The following PCDHA10 variants were observed in gnomAD, a reference collection of about 807,000 sequenced individuals.
PCDHA10 encodes protocadherin alpha 10.
PCDHA10 carries 45 observed loss-of-function variants against 61.2 expected under a neutral mutation model. The ratio of observed to expected loss-of-function variants is 0.74; its 90% CI spans 0.58 to 0.94. The LOEUF (loss-of-function observed/expected upper bound fraction) is 0.94. Among genes scored for constraint, PCDHA10 ranks in the 40% least tolerant of loss-of-function variants. The probability of loss-of-function intolerance (pLI) is 0.00; values close to 1 mark genes in which losing one functional copy is unlikely to be tolerated. For missense variants in PCDHA10, 1,278 were observed against 1,236.2 expected (o/e 1.03, Z -0.51); for synonymous variants, 602 against 548.8 (o/e 1.10, Z -1.35).
In PCDHA10 at chr5:140,927,203, C is replaced by T. The variant is rs782141467; in HGVS notation, c.2389-51746C>T. ...ACCTACGACCTGGTGCTCGAGGACC[C>T]GCTGGAGCTGCACAAGATTCGGATT... On this transcript the variant is annotated intron_variant, in intron 1 of 3. Transcript: ENST00000307360. 65 of 1,614,104 alleles carry T rather than the reference C, an allele frequency of 4.0e-5. No homozygotes were observed. Among genetic ancestry groups the T allele is most frequent in the Non-Finnish European group, 5.1e-5 (60 of 1,180,040 alleles).
intron 1 of PCDHA10, chr5:140,967,133 G>C: frequency 6.2e-7 from 1 of 1,611,928 alleles, no homozygotes; most frequent in East Asian, 2.2e-5. Flanking sequence ...CAGCTTGGAA[G>C]TGCTGGCGCA....
At chr5:140,873,590 A>C (rs1188968124) in intron 1 of PCDHA10, among the ~76,000 whole-genome samples, 2 of 152,202 alleles carry the variant, frequency 1.3e-5, no homozygotes, top group Non-Finnish European at 2.9e-5. Flanking sequence ...ATTAAGCTAA[A>C]CTTAGATGTT....
At chr5:140,962,543 G>T (rs962454688) in intron 1 of PCDHA10, among the ~76,000 whole-genome samples, 1 of 152,176 alleles carries the variant, frequency 6.6e-6, no homozygotes, top group Non-Finnish European at 1.5e-5. Flanking sequence ...AACTAAAAAT[G>T]TAGAGGATCT....
chr5:140,969,198 C>T lies in PCDHA10; in HGVS notation c.2389-9751C>T, dbSNP rs2096305688. ...AGTGACACTTTCATGTTTTACAATA[C>T]AGGGGCCCAGACAGGACCAGGGCCT... On this transcript the variant is annotated intron_variant, in intron 1 of 3. Coordinates refer to ENST00000307360, the MANE Select transcript of PCDHA10 (RefSeq NM_018901.4). 1 of 1,614,166 alleles carries T rather than the reference C, an allele frequency of 6.2e-7. No individual in the cohort carries two copies. Among genetic ancestry groups the T allele is most frequent in the Non-Finnish European group, 8.5e-7 (1 of 1,180,032 alleles).
At chr5:140,884,044 G>A (rs374333847) in intron 1 of PCDHA10, 16 of 1,613,358 alleles carry the variant, frequency 9.9e-6, no homozygotes, top group Non-Finnish European at 1.4e-5. Context: ...ACGTGGTGGC[G>A]AAGGTGCGCG....
chr5:141,000,421 A>AT lies in PCDHA10; in HGVS notation c.2537-9183dup, dbSNP rs34755515. Reference sequence around the variant, plus strand: ...TATATATATATATATATATATATATATTTTTTTTTTTTTTTTTTTTTTTGA... The same window carrying AT: ...TATATATATATATATATATATATATATTTTTTTTTTTTTTTTTTTTTTTTGA... On this transcript the variant is annotated intron_variant, in intron 3 of 3. Transcript: ENST00000307360. 8.6e-3 allele frequency among the ~76,000 whole-genome samples: 241 copies of AT among 27,996 alleles called. 11 individuals carry two copies. The highest frequency in any genetic ancestry group is 9.4e-3 in the African/African-American group (53 of 5,644). The allele number at this position is 27,996 out of a possible 152,430, so 18.4% of individuals were successfully genotyped here.
intron 1 of PCDHA10, chr5:140,861,213 A>C: frequency 6.0e-6 from 1 of 166,518 alleles, no homozygotes; most frequent in Non-Finnish European, 1.3e-5. Flanking sequence ...ACTAACCAAA[A>C]GAGAGGCATA....
At chr5:140,954,577 A>T (rs1426426958) in intron 1 of PCDHA10, among the ~76,000 whole-genome samples, 2 of 151,954 alleles carry the variant, frequency 1.3e-5, no homozygotes, top group Non-Finnish European at 1.5e-5. Flanking sequence ...TTCTTTTCAG[A>T]AGTGTCTGTT....
chr5:140,862,911 G>A (rs781861917), intron 1 of PCDHA10: 3 of 549,326 alleles, frequency 5.5e-6, no homozygotes, highest in Admixed American at 3.9e-5. Context: ...CGCTGCTGGC[G>A]CCTTGGGTGG....
chr5:140,876,699 G>A, intron 1 of PCDHA10: 1 of 1,614,228 alleles, frequency 6.2e-7, no homozygotes, highest in Non-Finnish European at 8.5e-7. Context: ...CGTTGGTGCT[G>A]GACAGCGCCC....
chr5:140,871,692 C>T, intron 1 of PCDHA10: 1 of 997,192 alleles, frequency 1.0e-6, no homozygotes, highest in Non-Finnish European at 1.4e-6. Flanking sequence ...AATCTGGCTT[C>T]TTTAACCAAT....
chr5:140,882,731 G>C, intron 1 of PCDHA10: 1 of 1,614,232 alleles, frequency 6.2e-7, no homozygotes, highest in Non-Finnish European at 8.5e-7. Flanking sequence ...ATTTCCACTA[G>C]ATGGCGCATC....
chr5:140,881,596 T>G (rs1420240994), intron 1 of PCDHA10, among the ~76,000 whole-genome samples: 1 of 152,240 alleles, frequency 6.6e-6, no homozygotes, highest in African/African-American at 2.4e-5. Flanking sequence ...GGAAATTTAT[T>G]AATATGATGT....
intron 1 of PCDHA10, among the ~76,000 whole-genome samples, chr5:140,954,333 G>C (rs1554221356): frequency 1.3e-5 from 2 of 152,140 alleles, no homozygotes; most frequent in African/African-American, 4.8e-5. Flanking sequence ...TGGTATTTCT[G>C]CCTCTAGATC....
At chr5:140,883,288 A>G (rs781835023) in intron 1 of PCDHA10, 1 of 1,614,110 alleles carries the variant, frequency 6.2e-7, no homozygotes, top group Non-Finnish European at 8.5e-7. Context: ...TGGTGGAAGT[A>G]CTAGATGTAA....
intron 1 of PCDHA10, chr5:140,927,351 G>A (rs782202644): frequency 1.4e-5 from 23 of 1,614,054 alleles, no homozygotes; most frequent in Non-Finnish European, 1.9e-5. Flanking sequence ...ATGACGACGA[G>A]GGAAGCAATG....
intron 1 of PCDHA10, chr5:140,871,144 A>T (rs1554165205): frequency 6.2e-7 from 1 of 1,613,222 alleles, no homozygotes; most frequent in African/African-American, 1.3e-5. Context: ...CTCTTCCCGG[A>T]CTTTGGCGGG....
intron 1 of PCDHA10, chr5:140,871,353 G>T: frequency 6.2e-7 from 1 of 1,614,214 alleles, no homozygotes; most frequent in Non-Finnish European, 8.5e-7. Flanking sequence ...GGTCATACTC[G>T]CAGCAGAGGC....
rs1160767102 is a variant in PCDHA10, at chr5:140,964,322, A to G, written c.2389-14627A>G. On this transcript the variant is annotated intron_variant, in intron 1 of 3. Coordinates refer to ENST00000307360, the MANE Select transcript of PCDHA10 (RefSeq NM_018901.4). ...TACCTACAAGGCCTAAAACAGCATA[A>G]TGGACAACCTGGCAGGTGTCCTTGC... Among the ~76,000 whole-genome samples the G allele has an allele frequency of 2.0e-5, 3 of 152,346 alleles. No individual in the cohort carries two copies. The East Asian group carries it at 5.8e-4, about 29-fold the overall frequency.
Sources: gnomAD v4.1 joint callset for allele counts (sites outside exome capture counted in the v4.1 genomes callset) on GRCh38, gnomAD v4.1.1 for gene constraint, MANE v1.5 for transcripts, NCBI Gene and HGNC (gene_info 2026-07-23, HGNC 2026-07-21) for gene names.